SLMAP: variants seen among roughly 807,000 people sequenced by gnomAD.
SLMAP encodes sarcolemma associated protein.
Under a neutral mutation model 128.8 loss-of-function variants are expected in SLMAP, and 44 were observed. The ratio of observed to expected loss-of-function variants is 0.34; its 90% CI spans 0.27 to 0.44. SLMAP has a LOEUF of 0.44. Ranked by LOEUF, SLMAP falls within the 20% of genes least tolerant of loss-of-function variation. SLMAP has a pLI of 1.00. For synonymous variants in SLMAP, 327 were observed against 348.8 expected (o/e 0.94, Z 0.70); for missense variants, 787 against 985.3 (o/e 0.80, Z 2.69).
chr3:57,918,452 G>T (rs1286041791), intron 22 of SLMAP: 1 of 152,184 alleles, frequency 6.6e-6, no homozygotes, highest in African/African-American at 2.4e-5. Context: ...GATAGTCTTG[G>T]ATTGCATTAA....
At chr3:57,855,947 G>A (rs2094763380) in intron 6 of SLMAP, among the ~76,000 whole-genome samples, 1 of 151,982 alleles carries the variant, frequency 6.6e-6, no homozygotes, top group African/African-American at 2.4e-5. Context: ...GGAGGCAGAG[G>A]TGAGAGAATT....
In SLMAP at chr3:57,841,240, G is replaced by A. The variant is rs2093920772; in HGVS notation, c.347-59G>A. ...TAAACTATGTTTACATATGAGAGGT[G>A]TGAAGTTTTATATTTTTAAACAATT... On this transcript the variant is annotated intron_variant, in intron 3 of 24. Transcript: ENST00000671191. 11 of 1,025,024 alleles carry A rather than the reference G, an allele frequency of 1.1e-5. No homozygotes were observed. In the Admixed American group the frequency reaches 1.3e-4, roughly 13 times the overall value. The allele number at this position is 1,025,024 out of a possible 1,614,324, so 63.5% of individuals were successfully genotyped here.
At chr3:57,778,570 C>CTTTTTTTTTTTTTT (rs1171049495) in intron 2 of SLMAP, among the ~76,000 whole-genome samples, 19 of 115,096 alleles carry the variant, frequency 1.7e-4, no homozygotes, top group Non-Finnish European at 3.2e-4. Flanking sequence ...TTCTTTCTTT[C>CTTTTTTTTTTTTTT]TTTTTTTTTT....
chr3:57,827,730 T>C (rs1259567056), intron 2 of SLMAP, among the ~76,000 whole-genome samples: 1 of 152,204 alleles, frequency 6.6e-6, no homozygotes, highest in Non-Finnish European at 1.5e-5. Context: ...GAAAGAAAGA[T>C]AGTTAAGACT....
chr3:57,797,910 A>G (rs1293291950), intron 2 of SLMAP, among the ~76,000 whole-genome samples: 5 of 152,172 alleles, frequency 3.3e-5, no homozygotes, highest in African/African-American at 1.2e-4. Flanking sequence ...GGTCACTGCA[A>G]TGGGTTCATA....
chr3:57,919,470 A>G (rs1465742883), intron 22 of SLMAP, among the ~76,000 whole-genome samples: 1 of 152,082 alleles, frequency 6.6e-6, no homozygotes, highest in Non-Finnish European at 1.5e-5. Flanking sequence ...AAGCATCACT[A>G]TATTTTAATT....
intron 2 of SLMAP, among the ~76,000 whole-genome samples, chr3:57,786,552 CTTTTTTTTTTT>C (rs34574598): frequency 7.7e-6 from 1 of 129,972 alleles, no homozygotes; most frequent in Non-Finnish European, 1.7e-5. Flanking sequence ...AATTATATAG[CTTTTTTTTTTT>C]TTTTTTTTTT....
chr3:57,914,566 CAT>C (rs1335110386), intron 21 of SLMAP, among the ~76,000 whole-genome samples: 1 of 151,634 alleles, frequency 6.6e-6, no homozygotes, highest in Non-Finnish European at 1.5e-5. Context: ...ATACATATCT[CAT>C]ATATAGCTAT....
intron 2 of SLMAP, among the ~76,000 whole-genome samples, chr3:57,803,227 T>C (rs550637152): frequency 4.7e-4 from 72 of 152,138 alleles, no homozygotes; most frequent in Non-Finnish European, 7.2e-4. Flanking sequence ...GAAACATGAG[T>C]ATATACTCAT....
intron 2 of SLMAP, among the ~76,000 whole-genome samples, chr3:57,786,775 C>A (rs2084264699): frequency 6.0e-5 from 9 of 150,016 alleles, no homozygotes; most frequent in South Asian, 2.1e-4. Context: ...GCTCTGTCGC[C>A]CAGGCTGGAG....
At chr3:57,886,503 C>A (rs1225158742) in intron 14 of SLMAP, among the ~76,000 whole-genome samples, 4 of 150,542 alleles carry the variant, frequency 2.7e-5, no homozygotes, top group African/African-American at 9.8e-5. Flanking sequence ...AATATGATAC[C>A]AGATTTTTAA....
intron 4 of SLMAP, among the ~76,000 whole-genome samples, chr3:57,841,575 T>C (rs1360901516): frequency 6.6e-6 from 1 of 152,180 alleles, no homozygotes; most frequent in Non-Finnish European, 1.5e-5. Context: ...TAGTAAATAA[T>C]AATGTATCAA....
chr3:57,925,889 C>G lies in SLMAP; in HGVS notation c.2490C>G (p.Phe830Leu). The G allele has an allele frequency of 6.4e-7, 1 of 1,551,178 alleles. No homozygotes were observed. Reference sequence around the variant, plus strand: ...TCCCAGCCGTATTCATCGGCCTATTCCTGGCTTTCCTGTTTTGGTGTTTCG... The same window carrying G: ...TCCCAGCCGTATTCATCGGCCTATTGCTGGCTTTCCTGTTTTGGTGTTTCG... Reference protein sequence around the residue: ...QPVPAVFIGLFLAFLFWCFGP... With the variant: ...QPVPAVFIGLLLAFLFWCFGP... The change falls in exon 24 of 25, where the codon TTC (phenylalanine) becomes TTG (leucine). Residue 830 changes from phenylalanine to leucine, a missense_variant. By Grantham distance (22) the Phe-to-Leu change is conservative (BLOSUM62 0). Coordinates refer to ENST00000671191, the MANE Select transcript of SLMAP (RefSeq NM_001377540.1).
At chr3:57,925,793 T>G in intron 23 of SLMAP, 52 bp from the exon 24 acceptor site, 1 of 1,313,644 alleles carries the variant, frequency 7.6e-7, no homozygotes, top group South Asian at 1.3e-5. Flanking sequence ...AATCCTCTTA[T>G]CTGATTACTT....
chr3:57,792,379 C>G (rs1289605046), intron 2 of SLMAP, among the ~76,000 whole-genome samples: 1 of 151,636 alleles, frequency 6.6e-6, no homozygotes, highest in African/African-American at 2.4e-5. Context: ...ACAAATGTGA[C>G]AGCACATAAT....
At chr3:57,843,722 T>TTATC (rs1553867817) in intron 4 of SLMAP, among the ~76,000 whole-genome samples, 13 of 146,344 alleles carry the variant, frequency 8.9e-5, no homozygotes, top group African/African-American at 1.3e-4. Flanking sequence ...CTTTCTTTCT[T>TTATC]TTTCTTTCTT....
chr3:57,907,093 T>TCTCGG (rs1275688431), intron 17 of SLMAP, among the ~76,000 whole-genome samples: 1 of 152,168 alleles, frequency 6.6e-6, no homozygotes, highest in African/African-American at 2.4e-5. Flanking sequence ...AGTGGCGCGA[T>TCTCGG]CTCGGCTCAC....
chr3:57,853,722 C>T (rs547679324), intron 6 of SLMAP, among the ~76,000 whole-genome samples: 5 of 151,616 alleles, frequency 3.3e-5, no homozygotes, highest in South Asian at 4.2e-4. Flanking sequence ...GGGCGGATCA[C>T]CTGTGGTCAG....
At chr3:57,906,539 A>T (rs2096569383) in intron 17 of SLMAP, among the ~76,000 whole-genome samples, 2 of 146,566 alleles carry the variant, frequency 1.4e-5, no homozygotes, top group Non-Finnish European at 3.0e-5. Flanking sequence ...CTGGTCTCAA[A>T]CTCCTGACCT....
Sources: gnomAD v4.1 joint callset for allele counts (sites outside exome capture counted in the v4.1 genomes callset) on GRCh38, gnomAD v4.1.1 for gene constraint, MANE v1.5 for transcripts, NCBI Gene and HGNC (gene_info 2026-07-23, HGNC 2026-07-21) for gene names.